FAM81A: variants seen among roughly 807,000 people sequenced by gnomAD.
FAM81A encodes family with sequence similarity 81 member A, also known as protein FAM81A.
In FAM81A, 19 loss-of-function variants were observed where a neutral mutation model predicts 46.7. That is an observed-to-expected ratio of 0.41 (90% CI 0.28 to 0.60). FAM81A has a LOEUF of 0.60. Among genes scored for constraint, FAM81A ranks in the 20% least tolerant of loss-of-function variants. The pLI is 0.34. For missense variants in FAM81A, 377 were observed against 453.5 expected (o/e 0.83, Z 1.53); for synonymous variants, 183 against 152.9 (o/e 1.20, Z -1.45).
intron 2 of FAM81A, among the ~76,000 whole-genome samples, chr15:59,411,001 C>T (rs761968135): frequency 1.3e-5 from 2 of 152,176 alleles, no homozygotes; most frequent in Non-Finnish European, 2.9e-5. Flanking sequence ...CCTTTTGCCT[C>T]GGCCTCCCAA....
chr15:59,460,390 T>A lies in FAM81A; in HGVS notation c.294+184T>A. On this transcript the variant is annotated intron_variant, in intron 3 of 8. Transcript: ENST00000288228. The surrounding 1 kb of genome is among the most constrained non-coding windows in gnomAD (Gnocchi z 4.4). ...GCAGAAATATCCTAATTAAATTTAT[T>A]CCAGTGTTTGATAACAGTTACTGTT... 1.3e-6 allele frequency: 1 copy of A among 799,478 alleles called. No individual in the cohort carries two copies. The highest frequency in any genetic ancestry group is 2.1e-6 in the Non-Finnish European group (1 of 468,780). The allele number at this position is 799,478 out of a possible 1,614,324, so 49.5% of individuals were successfully genotyped here.
chr15:59,501,792 T>C (rs2082093615), intron 4 of FAM81A, among the ~76,000 whole-genome samples: 1 of 152,186 alleles, frequency 6.6e-6, no homozygotes, highest in South Asian at 2.1e-4. Context: ...GAGTACATTA[T>C]TGTTCATCAT....
chr15:59,510,991 T>C (rs1473529382), intron 6 of FAM81A, among the ~76,000 whole-genome samples: 1 of 150,614 alleles, frequency 6.6e-6, no homozygotes, highest in African/African-American at 2.4e-5. Context: ...CTATTAAAAA[T>C]ACGAAAGTAG....
At chr15:59,398,815 G>A (rs1266873740) in intron 1 of FAM81A, among the ~76,000 whole-genome samples, 3 of 142,034 alleles carry the variant, frequency 2.1e-5, no homozygotes, top group Non-Finnish European at 4.6e-5. Flanking sequence ...TCTTTCTAGT[G>A]CAAAACTTCA....
chr15:59,501,722 C>T (rs1480367650), intron 4 of FAM81A, among the ~76,000 whole-genome samples: 3 of 152,140 alleles, frequency 2.0e-5, no homozygotes, highest in Admixed American at 6.5e-5. Context: ...TGGCCACAAC[C>T]TGGAATTGTA....
chr15:59,401,300 C>T (rs2081069019), intron 1 of FAM81A: 2 of 864,434 alleles, frequency 2.3e-6, no homozygotes, highest in Non-Finnish European at 4.0e-6. Context: ...CAAATAACTG[C>T]CGCCTTGCAT....
At chr15:59,510,777 CAAAAAAAAAA>C (rs71119479) in intron 6 of FAM81A, among the ~76,000 whole-genome samples, 1,151 of 25,768 alleles carry the variant, frequency 0.045, 19 homozygotes, top group African/African-American at 0.17. Context: ...GACCCTGTCT[CAAAAAAAAAA>C]AAAAAAAAAA....
intron 1 of FAM81A, chr15:59,401,082 A>T: frequency 2.2e-5 from 12 of 546,534 alleles, no homozygotes; most frequent in Non-Finnish European, 3.4e-5. Context: ...TTTTTTTTCC[A>T]TTTTAATGTT....
intron 3 of FAM81A, among the ~76,000 whole-genome samples, chr15:59,476,559 G>A (rs2081771320): frequency 6.6e-6 from 1 of 152,162 alleles, no homozygotes; most frequent in South Asian, 2.1e-4. Context: ...CACAAGGTGG[G>A]TGGATCACTT....
chr15:59,516,498 A>G, intron 7 of FAM81A, 147 bp from the exon 8 acceptor site: 1 of 729,514 alleles, frequency 1.4e-6, no homozygotes, highest in South Asian at 1.9e-5. Flanking sequence ...TAAGGAAGAA[A>G]GGGAGAACGG....
At chr15:59,490,132 TAAATC>T (rs1349453940) in intron 3 of FAM81A, among the ~76,000 whole-genome samples, 38 of 152,012 alleles carry the variant, frequency 2.5e-4, no homozygotes, top group Middle Eastern at 3.4e-3. Flanking sequence ...AAAAAAAACT[TAAATC>T]TAAGACCTCA....
intron 8 of FAM81A, 144 bp downstream of exon 8, chr15:59,516,984 C>T (rs1285603651): frequency 2.5e-6 from 2 of 788,460 alleles, no homozygotes; most frequent in East Asian, 3.1e-5. Flanking sequence ...AGTAGCTGTG[C>T]TGTATTTTCT....
chr15:59,411,619 G>A (rs575420501), intron 2 of FAM81A, among the ~76,000 whole-genome samples: 4 of 152,228 alleles, frequency 2.6e-5, no homozygotes, highest in African/African-American at 9.6e-5. Context: ...CCAGGAGGAA[G>A]AAAATACTTT....
chr15:59,490,044 C>A (rs1198995789), intron 3 of FAM81A, among the ~76,000 whole-genome samples: 3 of 151,118 alleles, frequency 2.0e-5, no homozygotes, highest in African/African-American at 7.3e-5. Context: ...ATAATCTGTA[C>A]AACAAACATC....
At chr15:59,481,457 C>A (rs1404690863) in intron 3 of FAM81A, among the ~76,000 whole-genome samples, 1 of 151,466 alleles carries the variant, frequency 6.6e-6, no homozygotes, top group Non-Finnish European at 1.5e-5. Context: ...AAAGAATAAA[C>A]CATAATTCCA....
At chr15:59,426,902 T>G (rs1049221934) in intron 2 of FAM81A, among the ~76,000 whole-genome samples, 13 of 152,312 alleles carry the variant, frequency 8.5e-5, no homozygotes, top group Admixed American at 6.5e-4. Flanking sequence ...ATTGAACACA[T>G]TTCTTTTAAC....
intron 2 of FAM81A, among the ~76,000 whole-genome samples, chr15:59,423,178 A>G (rs969682489): frequency 2.0e-5 from 3 of 152,070 alleles, no homozygotes; most frequent in Admixed American, 1.3e-4. Context: ...GCTCACTGCA[A>G]GCTCCGCCTC....
At chr15:59,426,598 G>C (rs1174541512) in intron 2 of FAM81A, among the ~76,000 whole-genome samples, 1 of 152,168 alleles carries the variant, frequency 6.6e-6, no homozygotes, top group African/African-American at 2.4e-5. Flanking sequence ...GGCAACAAGA[G>C]CGAAACTCTG....
intron 3 of FAM81A, among the ~76,000 whole-genome samples, chr15:59,489,874 C>G (rs1450844969): frequency 6.6e-6 from 1 of 152,108 alleles, no homozygotes; most frequent in Non-Finnish European, 1.5e-5. Flanking sequence ...TGAAATTAGA[C>G]CCCTATTTCA....
Sources: gnomAD v4.1 joint callset for allele counts (sites outside exome capture counted in the v4.1 genomes callset) on GRCh38, gnomAD v4.1.1 for gene constraint, Gnocchi (gnomAD v3.1) non-coding constraint, MANE v1.5 for transcripts, NCBI Gene and HGNC (gene_info 2026-07-23, HGNC 2026-07-21) for gene names.